The following TTC27 variants were observed in gnomAD, a reference collection of about 807,000 sequenced individuals.
The protein encoded by TTC27 is tetratricopeptide repeat domain 27.
Under a neutral mutation model 115.9 loss-of-function variants are expected in TTC27, and 79 were observed. That is an observed-to-expected ratio of 0.68 (90% confidence interval 0.57 to 0.82). TTC27 has a LOEUF of 0.82. Among genes scored for constraint, TTC27 ranks in the 40% least tolerant of loss-of-function variants. The pLI is 0.00. For missense variants in TTC27, 1,054 were observed against 993.1 expected, an observed-to-expected ratio of 1.06 and a Z score of -0.82; for synonymous variants, 401 against 356.0, an observed-to-expected ratio of 1.13 and a Z score of -1.42.
intron 14 of TTC27, among the ~76,000 whole-genome samples, chr2:32,781,133 A>C (rs79176770): frequency 0.053 from 8,019 of 152,298 alleles, 309 homozygotes; most frequent in Non-Finnish European, 0.081. Flanking sequence ...AGTTTCAGCA[A>C]ATTATCTCAG....
intron 12 of TTC27, among the ~76,000 whole-genome samples, chr2:32,757,993 C>T (rs571211984): frequency 2.0e-5 from 3 of 152,164 alleles, no homozygotes; most frequent in Admixed American, 1.3e-4. Flanking sequence ...TGAGCCACCA[C>T]GTCTGGCGAA....
chr2:32,635,265 G>A (rs1014707855), intron 3 of TTC27: 1 of 152,284 alleles, frequency 6.6e-6, no homozygotes, highest in African/African-American at 2.4e-5. Flanking sequence ...TGGTGATTTT[G>A]AACGTAGCTA....
chr2:32,680,849 C>G (rs1411313505), intron 9 of TTC27, among the ~76,000 whole-genome samples: 1 of 152,194 alleles, frequency 6.6e-6, no homozygotes, highest in African/African-American at 2.4e-5. Context: ...TACATTCAAA[C>G]AGTTAATTTT....
intron 13 of TTC27, among the ~76,000 whole-genome samples, chr2:32,767,181 T>A (rs937550630): frequency 6.6e-6 from 1 of 152,210 alleles, no homozygotes; most frequent in Non-Finnish European, 1.5e-5. Flanking sequence ...TTTAAAACCG[T>A]AATACCATTG....
chr2:32,643,329 A>G (rs1432109306), intron 4 of TTC27, among the ~76,000 whole-genome samples: 1 of 151,844 alleles, frequency 6.6e-6, no homozygotes, highest in Non-Finnish European at 1.5e-5. Flanking sequence ...TTTTTGAGAC[A>G]GAGTCTCACT....
chr2:32,638,473 G>A (rs530936744), intron 3 of TTC27, among the ~76,000 whole-genome samples: 4 of 152,112 alleles, frequency 2.6e-5, no homozygotes, highest in African/African-American at 4.8e-5. Context: ...CCGCCTCCCA[G>A]GTTCAAGCGA....
At chr2:32,790,049 A>T (rs1670482437) in intron 16 of TTC27, among the ~76,000 whole-genome samples, 1 of 152,008 alleles carries the variant, frequency 6.6e-6, no homozygotes, top group Non-Finnish European at 1.5e-5. Context: ...AATCTAAAAA[A>T]AATAGCTATA....
intron 16 of TTC27, among the ~76,000 whole-genome samples, chr2:32,800,654 T>G (rs1670892631): frequency 6.6e-6 from 1 of 151,958 alleles, no homozygotes; most frequent in African/African-American, 2.4e-5. Context: ...TGCGCCACTA[T>G]GCCCAGCTAA....
chr2:32,698,226 C>G (rs1418080446), intron 9 of TTC27, among the ~76,000 whole-genome samples: 1 of 151,928 alleles, frequency 6.6e-6, no homozygotes, highest in Non-Finnish European at 1.5e-5. Flanking sequence ...CTTGACCAGA[C>G]TCAAGTGATC....
intron 3 of TTC27, among the ~76,000 whole-genome samples, chr2:32,639,618 T>C (rs1169830558): frequency 6.6e-6 from 1 of 152,256 alleles, no homozygotes; most frequent in African/African-American, 2.4e-5. Flanking sequence ...ATAGGGATGC[T>C]TTTCATTGAG....
At chr2:32,741,306 C>T (rs771404365) in intron 12 of TTC27, among the ~76,000 whole-genome samples, 3 of 152,116 alleles carry the variant, frequency 2.0e-5, no homozygotes, top group Non-Finnish European at 4.4e-5. Context: ...TTTGTTGGCT[C>T]ATCTGATCTA....
chr2:32,696,188 TC>T (rs1190656778), intron 9 of TTC27, among the ~76,000 whole-genome samples: 2 of 152,022 alleles, frequency 1.3e-5, no homozygotes, highest in Non-Finnish European at 2.9e-5. Context: ...TCCTCAAAGT[TC>T]ATCTGTGTTG....
intron 10 of TTC27, among the ~76,000 whole-genome samples, chr2:32,729,640 A>G (rs1668224547): frequency 6.6e-6 from 1 of 152,160 alleles, no homozygotes; most frequent in South Asian, 2.1e-4. Flanking sequence ...TCCATGCAAC[A>G]TGAAGTCACC....
At chr2:32,818,148 T>C (rs763298225) in intron 19 of TTC27, among the ~76,000 whole-genome samples, 2 of 152,182 alleles carry the variant, frequency 1.3e-5, no homozygotes, top group African/African-American at 2.4e-5. Flanking sequence ...CTTGTATTTA[T>C]TGTCATTTTC....
intron 12 of TTC27, among the ~76,000 whole-genome samples, chr2:32,739,908 T>G (rs1668570882): frequency 6.6e-6 from 1 of 152,268 alleles, no homozygotes; most frequent in Non-Finnish European, 1.5e-5. Context: ...TGGCATAATT[T>G]ATTTTTAAAA....
Position 32,702,779 on chromosome 2 carries a change from A to G in TTC27, c.1120-28A>G, listed in dbSNP as rs755689495. ...AGATCACCTAGCTTATCTCTTTTCT[A>G]TGATTTTTTTCTTCCCGCTTCTATC... On this transcript the variant is annotated intron_variant, in intron 9 of 19. Transcript: ENST00000317907. 7 of 1,473,342 alleles carry G rather than the reference A, an allele frequency of 4.8e-6. No individual in the cohort carries two copies. The Admixed American group carries it at 5.1e-5, about 11-fold the overall frequency. 91.3% of individuals were successfully genotyped at this position (1,473,342 alleles called of 1,614,324 possible). A position where few individuals can be genotyped will look rare whatever the true frequency, so the allele number is the denominator to read the frequency against.
At chr2:32,726,818 G>A (rs1668125539) in intron 10 of TTC27, among the ~76,000 whole-genome samples, 1 of 152,184 alleles carries the variant, frequency 6.6e-6, no homozygotes, top group Admixed American at 6.5e-5. Flanking sequence ...GGAAAACGGG[G>A]TTTAATGGAC....
chr2:32,691,305 C>CTT (rs201773475), intron 9 of TTC27, among the ~76,000 whole-genome samples: 45 of 140,046 alleles, frequency 3.2e-4, no homozygotes, highest in South Asian at 9.1e-4. Context: ...TGAATATTTA[C>CTT]TTTTTTTTTT....
intron 13 of TTC27, among the ~76,000 whole-genome samples, chr2:32,771,515 G>A (rs1226212631): frequency 6.6e-6 from 1 of 152,214 alleles, no homozygotes; most frequent in African/African-American, 2.4e-5. Flanking sequence ...AGGGCATTCA[G>A]TAATTAATAA....
Sources: gnomAD v4.1 joint callset for allele counts (sites outside exome capture counted in the v4.1 genomes callset) on GRCh38, gnomAD v4.1.1 for gene constraint, MANE v1.5 for transcripts, NCBI Gene and HGNC (gene_info 2026-07-23, HGNC 2026-07-21) for gene names.